The following MYH6 variants were observed in gnomAD, a reference collection of about 807,000 sequenced individuals.
The protein encoded by MYH6 is myosin-6.
In MYH6, 126 loss-of-function variants were observed where a neutral mutation model predicts 223.2. That is an observed-to-expected ratio of 0.56 (90% CI 0.49 to 0.65). The LOEUF (loss-of-function observed/expected upper bound fraction) is 0.65. Among genes scored for constraint, MYH6 ranks in the 30% least tolerant of loss-of-function variants. The pLI, the probability that MYH6 is intolerant of heterozygous loss-of-function variation, is 0.00. For synonymous variants in MYH6, 978 were observed against 1,010.2 expected (o/e 0.97, Z 0.61); for missense variants, 2,040 against 2,536.4 (o/e 0.80, Z 4.20).
intron 15 of MYH6, among the ~76,000 whole-genome samples, chr14:23,397,929 CTCCTCTTCT>C (rs1163797998): frequency 1.7e-4 from 21 of 123,074 alleles, no homozygotes; most frequent in African/African-American, 6.0e-4. Flanking sequence ...CCTCCTCCTC[CTCCTCTTCT>C]TCTTCTTCTT....
chr14:23,398,788 G>T lies in MYH6; in HGVS notation c.1831C>A (p.Gln611Lys), dbSNP rs777351999. The change falls in exon 15 of 39, where the codon CAG (glutamine) becomes AAG (lysine). Residue 611 changes from glutamine to lysine, a missense_variant. By Grantham distance (53) the Gln-to-Lys change is moderately conservative. Transcript: ENST00000405093. The part of the protein sequence containing the change: ...PLNETVVALY[Q>K]KSSLKLMATL... ...GCCATGAGCTTGAGGGAGGACTTCT[G>T]GTACAGGGCCACAACAGTCTCGTTG... 5 of 1,614,088 alleles carry T rather than the reference G, an allele frequency of 3.1e-6. No individual in the cohort carries two copies. Among genetic ancestry groups the T allele is most frequent in the Non-Finnish European group, 4.2e-6 (5 of 1,180,040 alleles).
chr14:23,397,182 G>C lies in MYH6; in HGVS notation c.2038C>G (p.Arg680Gly), dbSNP rs576497958. ...HFVRCIIPNE[R>G]KAPGVMDNPL... is the part of the protein sequence containing the mutation. ...TCTCCTGGCTCACCTGGAGCCTTCC[G>C]CTCATTGGGGATGATGCAACGCACA... The change falls in exon 17 of 39, where the codon CGG (arginine) becomes GGG (glycine). Residue 680 changes from arginine to glycine, a missense_variant. This residue lies in a region of MYH6 where 649 missense variants were observed against 877.3 expected (regional missense o/e 0.74). Coordinates refer to ENST00000405093, the MANE Select transcript of MYH6 (RefSeq NM_002471.4). The C allele has an allele frequency of 6.2e-7, 1 of 1,614,188 alleles. No individual in the cohort carries two copies. Among genetic ancestry groups the C allele is most frequent in the Admixed American group, 1.7e-5 (1 of 60,028 alleles).
intron 28 of MYH6, 137 bp from the exon 29 acceptor site, chr14:23,389,192 GA>G: frequency 8.2e-7 from 1 of 1,218,788 alleles, no homozygotes. Flanking sequence ...ACTGTTTGAG[GA>G]GTTTCCCAGT....
In MYH6 at chr14:23,393,063, G is replaced by A. The variant is rs771114681; in HGVS notation, c.3106-6C>T. On this transcript the variant is annotated splice_region_variant and splice_polypyrimidine_tract_variant and intron_variant, in intron 23 of 38. Transcript: ENST00000405093. ...TGCTCTAGGGATCCCTCCAGCTGTT[G>A]GAGGGAAGAAAATAAGCAAAGTGTG... The A allele has an allele frequency of 2.5e-6, 4 of 1,614,008 alleles. No homozygotes were observed. The highest frequency in any genetic ancestry group is 2.7e-5 in the African/African-American group (2 of 74,894).
chr14:23,404,556 T>C (rs1334808669), intron 7 of MYH6, among the ~76,000 whole-genome samples, 155 bp downstream of exon 7: 1 of 152,102 alleles, frequency 6.6e-6, no homozygotes, highest in African/African-American at 2.4e-5. Context: ...GGTGAGTGTC[T>C]CCTGTCAGGA....
chr14:23,385,186 G>T, intron 34 of MYH6, 145 bp from the exon 35 acceptor site: 2 of 974,912 alleles, frequency 2.1e-6, no homozygotes, highest in East Asian at 2.6e-5. Context: ...TTTTGTACCT[G>T]CTTTCCCTTT....
chr14:23,393,359 C>G lies in MYH6; in HGVS notation c.3088G>C (p.Glu1030Gln), dbSNP rs779155360. Residue 1030 changes from glutamate (E) to glutamine (Q), a missense_variant, in exon 23 of 39, where the codon GAG becomes CAG. This residue lies in a region of MYH6 where 1,203 missense variants were observed against 1,400.2 expected (regional missense o/e 0.86). Coordinates refer to ENST00000405093, the MANE Select transcript of MYH6 (RefSeq NM_002471.4). ...CTACTCACATCATCCACCTGCTGCT[C>G]CAGCTTGACCTTAGACTTGGACAGG... ...NSLSKSKVKL[E>Q]QQVDDLEGSL... 13 of 1,614,094 alleles carry G rather than the reference C, an allele frequency of 8.1e-6. No homozygotes were observed. The Admixed American group carries it at 2.2e-4, about 27-fold the overall frequency.
chr14:23,398,800 C>T lies in MYH6; in HGVS notation c.1819G>A (p.Val607Met), dbSNP rs1891508709. The part of the protein sequence containing the change: ...KNKDPLNETV[V>M]ALYQKSSLKL... The stretch of plus-strand genomic sequence containing the variant: ...AGGGAGGACTTCTGGTACAGGGCCA[C>T]AACAGTCTCGTTGAGAGGATCCTTG... The change falls in exon 15 of 39, where the codon GTG becomes ATG. Residue 607 changes from valine to methionine, a missense_variant. Coordinates refer to ENST00000405093, the MANE Select transcript of MYH6 (RefSeq NM_002471.4). The T allele has an allele frequency of 1.2e-6, 2 of 1,614,070 alleles. No individual in the cohort carries two copies. The highest frequency in any genetic ancestry group is 1.7e-5 in the Admixed American group (1 of 60,006).
At chr14:23,387,435 A>G in intron 32 of MYH6, 94 bp downstream of exon 32, 1 of 1,581,054 alleles carries the variant, frequency 6.3e-7, no homozygotes, top group Non-Finnish European at 8.6e-7. Flanking sequence ...GAATGAATAG[A>G]TTTTGTCCTG....
intron 36 of MYH6, 136 bp downstream of exon 36, chr14:23,384,306 C>A (rs1395793850): frequency 2.9e-6 from 4 of 1,385,794 alleles, no homozygotes; most frequent in Admixed American, 1.8e-5. Context: ...GTCAAACTGA[C>A]TGCAGAGCGT....
intron 10 of MYH6, 25 bp downstream of exon 10, chr14:23,403,323 G>T (rs1406833786): frequency 6.3e-7 from 1 of 1,589,866 alleles, no homozygotes. Context: ...GACAGCAGTG[G>T]GTGGGGGGTG....
At chr14:23,385,362 A>G (rs74039307) in intron 34 of MYH6, among the ~76,000 whole-genome samples, 4,141 of 151,592 alleles carry the variant, frequency 0.027, 215 homozygotes, top group African/African-American at 0.095. Flanking sequence ...ACTTTTTACC[A>G]GGACAATATT....
At position 23,383,339 on chromosome 14, in the gene MYH6, G is replaced by GGGCCCCCCC; in HGVS notation, c.5566-20_5566-19insGGGGGGGCC. The GGGCCCCCCC allele has an allele frequency of 9.2e-6, 1 of 108,190 alleles. No homozygotes were observed. The highest frequency in any genetic ancestry group is 9.5e-5 in the African/African-American group (1 of 10,532). The allele number at this position is 108,190 out of a possible 1,614,324, so 6.7% of individuals were successfully genotyped here. On this transcript the variant is annotated intron_variant, in intron 36 of 38. Coordinates refer to ENST00000405093, the MANE Select transcript of MYH6 (RefSeq NM_002471.4). ...CCTCTGTCTGGGGGTGGGAGGGTGG[G>GGGCCCCCCC]AGAAGCTGGTTTGGAGGGGGAGCAA...
rs2071634 is a variant in MYH6 at position 23,386,640 on chromosome 14, C to T, written c.4651-17G>A. The stretch of plus-strand genomic sequence containing the variant: ...CAGGGAGGCCTGGGAAGGGGTGGGG[C>T]GAGGGCGGGCAGACAGGGCACAGGG... On this transcript the variant is annotated splice_polypyrimidine_tract_variant and intron_variant, in intron 32 of 38. Transcript: ENST00000405093. 402,241 of 1,461,826 alleles carry T rather than the reference C, an allele frequency of 0.28. 53,508 individuals are homozygous for T. Among genetic ancestry groups the T allele is most frequent in the South Asian group, 0.36 (31,194 of 86,628 alleles). The allele number at this position is 1,461,826 out of a possible 1,614,324, so 90.6% of individuals were successfully genotyped here.
Position 23,405,834 on chromosome 14 carries a change from T to C in MYH6, c.202-64A>G. 1 of 1,606,894 alleles carries C rather than the reference T, an allele frequency of 6.2e-7. No individual in the cohort carries two copies. The highest frequency in any genetic ancestry group is 8.5e-7 in the Non-Finnish European group (1 of 1,173,680). ...ATCCCTCCGGGACCCTTGCCAGCAC[T>C]GCCCACTGACCTCCTCCCAGGACAC... On this transcript the variant is annotated intron_variant, in intron 3 of 38. Transcript: ENST00000405093. This position sits in a 1 kb window ranked among gnomAD's most constrained non-coding sequence, Gnocchi z 4.7.
At chr14:23,401,103 T>A in intron 12 of MYH6, 126 bp from the exon 13 acceptor site, 1 of 1,457,700 alleles carries the variant, frequency 6.9e-7, no homozygotes, top group Non-Finnish European at 9.3e-7. Flanking sequence ...ACCTCCTGGG[T>A]TCAAGTGATT....
In MYH6 at chr14:23,403,572, G is replaced by A. The variant is rs952926809; in HGVS notation, c.800-126C>T. On this transcript the variant is annotated intron_variant, in intron 9 of 38. Coordinates refer to ENST00000405093, the MANE Select transcript of MYH6 (RefSeq NM_002471.4). Reference sequence around the variant, plus strand: ...GATGAAGAGGGCCAGGCGAGAAGATGTGGCTTAAATAAAAAGGATCCTAAA... The same window carrying A: ...GATGAAGAGGGCCAGGCGAGAAGATATGGCTTAAATAAAAAGGATCCTAAA... The A allele has an allele frequency of 6.0e-6, 7 of 1,173,902 alleles. No homozygotes were observed. In the African/African-American group the frequency reaches 1.1e-4, roughly 18 times the overall value. 72.7% of individuals were successfully genotyped at this position (1,173,902 alleles called of 1,614,324 possible). A position where few individuals can be genotyped will look rare whatever the true frequency, so the allele number is the denominator to read the frequency against.
At position 23,388,953 on chromosome 14, in the gene MYH6, G is replaced by C; in HGVS notation, c.4081C>G (p.Arg1361Gly). 1 of 1,613,730 alleles carries C rather than the reference G, an allele frequency of 6.2e-7. No homozygotes were observed. The highest frequency in any genetic ancestry group is 8.5e-7 in the Non-Finnish European group (1 of 1,180,024). Reference sequence around the variant, plus strand: ...TCCGAGTTGGCCTTGGACAGGACGCGCTGCAGCTCGGCCTTGGCCTCTGTC... The same window carrying C: ...TCCGAGTTGGCCTTGGACAGGACGCCCTGCAGCTCGGCCTTGGCCTCTGTC... ...EETEAKAELQ[R>G]VLSKANSEVA... The change falls in exon 29 of 39, where the codon CGC becomes GGC. Residue 1361 changes from arginine (R) to glycine (G), a missense_variant. Around this residue, in one of 4 missense-constraint regions of MYH6, gnomAD observed 1,203 missense variants for 1,400.2 expected, o/e 0.86. Transcript: ENST00000405093.
At chr14:23,406,384 G>A (rs1891788110) in intron 3 of MYH6, among the ~76,000 whole-genome samples, 3 of 152,208 alleles carry the variant, frequency 2.0e-5, no homozygotes, top group African/African-American at 7.2e-5. Flanking sequence ...TGACTAGCGG[G>A]TGGCAGAGCT....
Sources: allele counts gnomAD v4.1 joint callset (sites outside exome capture counted in the v4.1 genomes callset), GRCh38; gene constraint gnomAD v4.1.1; regional missense constraint gnomAD v4.1.1; non-coding constraint Gnocchi (gnomAD v3.1); transcripts MANE v1.5; gene names NCBI Gene and HGNC (gene_info 2026-07-23, HGNC 2026-07-21).